PRKN: variants seen among roughly 807,000 people sequenced by gnomAD.
The protein encoded by PRKN is parkin RBR E3 ubiquitin protein ligase, also known as E3 ubiquitin-protein ligase parkin.
In PRKN, 56 loss-of-function variants were observed where a neutral mutation model predicts 59.5. The observed-to-expected ratio is 0.94, with a 90% CI of 0.76 to 1.18. The LOEUF (loss-of-function observed/expected upper bound fraction) is 1.18, where lower values mean the gene tolerates loss of function less well. Among genes scored for constraint, PRKN ranks in the 50% most tolerant of loss-of-function variants. The pLI, the probability that PRKN is intolerant of heterozygous loss-of-function variation, is 0.00. For missense variants in PRKN, 657 were observed against 596.4 expected, an observed-to-expected ratio of 1.10 and a Z score of -1.06; for synonymous variants, 250 against 222.1, an observed-to-expected ratio of 1.13 and a Z score of -1.12.
intron 1 of PRKN, among the ~76,000 whole-genome samples, chr6:162,621,504 G>C (rs1023376040): frequency 1.3e-5 from 2 of 152,142 alleles, no homozygotes; most frequent in African/African-American, 4.8e-5. Context: ...AGTTCAGGTG[G>C]AAACAGCCAC....
At chr6:161,820,320 A>G (rs2128215930) in intron 6 of PRKN, among the ~76,000 whole-genome samples, 1 of 151,982 alleles carries the variant, frequency 6.6e-6, no homozygotes, top group African/African-American at 2.4e-5. Context: ...TCATATCAAG[A>G]GTTTTAAAAA....
chr6:162,158,416 G>T (rs74876011), intron 4 of PRKN, among the ~76,000 whole-genome samples: 3 of 2,754 alleles, frequency 1.1e-3, no homozygotes, highest in Admixed American at 3.9e-3. Context: ...GTTTGTTTGC[G>T]TTTTTTTTTT....
At chr6:161,737,032 G>A (rs547727738) in intron 7 of PRKN, among the ~76,000 whole-genome samples, 2 of 152,184 alleles carry the variant, frequency 1.3e-5, no homozygotes, top group East Asian at 1.9e-4. Flanking sequence ...AAGGGGAGGC[G>A]GAGGCATTCA....
At chr6:162,488,145 C>T (rs577386232) in intron 1 of PRKN, among the ~76,000 whole-genome samples, 18 of 147,110 alleles carry the variant, frequency 1.2e-4, no homozygotes, top group African/African-American at 4.2e-4. Flanking sequence ...AAAGTTTAAA[C>T]ACCACAAAAA....
At chr6:162,378,177 A>G (rs1583465572) in intron 2 of PRKN, among the ~76,000 whole-genome samples, 1 of 152,214 alleles carries the variant, frequency 6.6e-6, no homozygotes, top group East Asian at 1.9e-4. Context: ...TATGTGTAGA[A>G]TAAAAGGACA....
intron 7 of PRKN, among the ~76,000 whole-genome samples, chr6:161,708,726 TA>T (rs1786616802): frequency 1.3e-5 from 2 of 152,196 alleles, no homozygotes; most frequent in African/African-American, 4.8e-5. Context: ...ATATTAATTT[TA>T]TTATAAAAGA....
chr6:161,722,597 T>C (rs1162932369), intron 7 of PRKN, among the ~76,000 whole-genome samples: 4 of 152,234 alleles, frequency 2.6e-5, no homozygotes, highest in Non-Finnish European at 4.4e-5. Flanking sequence ...TATTTTGATA[T>C]ATCAGCAAAT....
rs967397255 is a variant in PRKN at position 162,668,494 on chromosome 6, G to A, written c.7+59168C>T. Among the ~76,000 whole-genome samples, 6 of 151,794 alleles carry A rather than the reference G, an allele frequency of 4.0e-5. No homozygotes were observed. The East Asian group carries it at 7.9e-4, about 20-fold the overall frequency. On this transcript the variant is annotated intron_variant, in intron 1 of 11. Coordinates refer to ENST00000366898, the MANE Select transcript of PRKN (RefSeq NM_004562.3). Reference sequence around the variant, plus strand: ...ATGGCTAGAAGAGAATGCCAGAGACGGGGAAAAACTGACAGGGTAAGAGAT... The same window carrying A: ...ATGGCTAGAAGAGAATGCCAGAGACAGGGAAAAACTGACAGGGTAAGAGAT...
intron 7 of PRKN, among the ~76,000 whole-genome samples, chr6:161,724,483 G>A (rs939061025): frequency 2.6e-5 from 4 of 152,172 alleles, no homozygotes; most frequent in African/African-American, 9.7e-5. Flanking sequence ...TTGGAAAGCT[G>A]AAAAATTATA....
intron 1 of PRKN, among the ~76,000 whole-genome samples, chr6:162,539,324 G>A (rs1778835686): frequency 6.6e-6 from 1 of 151,992 alleles, no homozygotes; most frequent in African/African-American, 2.4e-5. Flanking sequence ...TAGACACATG[G>A]GTAAATTAGC....
intron 4 of PRKN, among the ~76,000 whole-genome samples, chr6:162,090,850 G>C (rs1389615154): frequency 6.6e-6 from 1 of 152,118 alleles, no homozygotes; most frequent in African/African-American, 2.4e-5. Flanking sequence ...ATTTACCATG[G>C]AATTTGATGA....
intron 7 of PRKN, among the ~76,000 whole-genome samples, chr6:161,633,608 T>C (rs903294851): frequency 3.3e-5 from 5 of 152,240 alleles, no homozygotes; most frequent in Non-Finnish European, 7.3e-5. Flanking sequence ...ATAAGATAGC[T>C]GGCACAGTTA....
chr6:162,042,428 A>T (rs1784100877), intron 5 of PRKN, among the ~76,000 whole-genome samples: 1 of 150,542 alleles, frequency 6.6e-6, no homozygotes, highest in South Asian at 2.1e-4. Flanking sequence ...AATAGCTGAG[A>T]TTACAGGCAT....
chr6:161,954,154 T>G (rs1780086214), intron 6 of PRKN, among the ~76,000 whole-genome samples: 1 of 152,178 alleles, frequency 6.6e-6, no homozygotes, highest in African/African-American at 2.4e-5. Flanking sequence ...ACTTGGTTGA[T>G]AGGAATCTCA....
chr6:162,248,503 C>G (rs75409254), intron 3 of PRKN, among the ~76,000 whole-genome samples: 1 of 151,988 alleles, frequency 6.6e-6, no homozygotes. Flanking sequence ...TCAGCGTATA[C>G]TCCTGTTTCC....
At chr6:161,788,777 G>T (rs949262172) in intron 6 of PRKN, among the ~76,000 whole-genome samples, 1 of 152,154 alleles carries the variant, frequency 6.6e-6, no homozygotes, top group African/African-American at 2.4e-5. Context: ...TGTCCTCTTC[G>T]GAAAAGAAAG....
At chr6:162,087,219 C>T (rs1387501947) in intron 4 of PRKN, among the ~76,000 whole-genome samples, 2 of 152,180 alleles carry the variant, frequency 1.3e-5, no homozygotes, top group East Asian at 1.9e-4. Context: ...GGTAGACTCT[C>T]TCATTCCATG....
intron 9 of PRKN, among the ~76,000 whole-genome samples, chr6:161,512,184 T>C (rs1191175369): frequency 6.6e-6 from 1 of 152,154 alleles, no homozygotes; most frequent in Non-Finnish European, 1.5e-5. Context: ...CAGAGGTGGT[T>C]TCATTTTTAT....
At chr6:161,692,433 C>T (rs895025034) in intron 7 of PRKN, among the ~76,000 whole-genome samples, 1 of 152,166 alleles carries the variant, frequency 6.6e-6, no homozygotes, top group Admixed American at 6.5e-5. Flanking sequence ...CTCTTTACCT[C>T]GAAAACTTGA....
Sources: gnomAD v4.1 joint callset for allele counts (sites outside exome capture counted in the v4.1 genomes callset) on GRCh38, gnomAD v4.1.1 for gene constraint, MANE v1.5 for transcripts, NCBI Gene and HGNC (gene_info 2026-07-23, HGNC 2026-07-21) for gene names.